The following HEXB variants were observed in gnomAD, a reference collection of about 807,000 sequenced individuals.
HEXB encodes hexosaminidase subunit beta, also known as beta-hexosaminidase subunit beta.
In HEXB, 51 loss-of-function variants were observed where a neutral mutation model predicts 71.2. That is an observed-to-expected ratio of 0.72 (90% CI 0.57 to 0.90). The LOEUF is 0.90. HEXB is among the 40% of genes least tolerant of loss of function. The pLI, the probability that HEXB is intolerant of heterozygous loss-of-function variation, is 0.00. For missense variants in HEXB, 617 were observed against 677.0 expected (o/e 0.91, Z 0.98); for synonymous variants, 266 against 249.3 (o/e 1.07, Z -0.63).
At chr5:74,693,726 T>C (rs1749052264) in intron 3 of HEXB, 22 bp downstream of exon 3, 1 of 1,589,824 alleles carries the variant, frequency 6.3e-7, no homozygotes, top group African/African-American at 1.3e-5. Context: ...GCAGTTTCAT[T>C]GTTACTTTCC....
intron 10 of HEXB, 37 bp downstream of exon 10, chr5:74,718,400 A>C (rs1162185779): frequency 7.0e-7 from 1 of 1,429,134 alleles, no homozygotes; most frequent in Non-Finnish European, 9.9e-7. Context: ...TCAATATAAG[A>C]GACTTAATTA....
intron 1 of HEXB, among the ~76,000 whole-genome samples, chr5:74,645,476 T>G (rs751383820): frequency 2.6e-5 from 4 of 152,224 alleles, no homozygotes; most frequent in Non-Finnish European, 4.4e-5. Context: ...TGTGAAAGTC[T>G]GTCTTTGTCC....
intron 8 of HEXB, among the ~76,000 whole-genome samples, chr5:74,716,174 A>G (rs979867587): frequency 1.3e-5 from 2 of 152,078 alleles, no homozygotes; most frequent in Non-Finnish European, 2.9e-5. Context: ...ATTTGTGGAG[A>G]ATGTACATTT....
chr5:74,674,605 G>GA (rs1199567534), intron 1 of HEXB, among the ~76,000 whole-genome samples: 29,424 of 94,700 alleles, frequency 0.31, 3,596 homozygotes, highest in Middle Eastern at 0.36. Flanking sequence ...CTCTGTCTCA[G>GA]AAAAAAAAAA....
chr5:74,662,072 A>T (rs1748336859), intron 1 of HEXB, among the ~76,000 whole-genome samples: 5 of 152,270 alleles, frequency 3.3e-5, no homozygotes, highest in Admixed American at 3.3e-4. Flanking sequence ...GCTTACTTTT[A>T]GCTGAGCATT....
rs561794591 is a variant in HEXB at position 74,718,408 on chromosome 5, T to C, written c.1242+45T>C. The C allele has an allele frequency of 2.9e-6, 4 of 1,394,092 alleles. No individual in the cohort carries two copies. The South Asian group carries it at 4.6e-5, about 16-fold the overall frequency. 86.4% of individuals were successfully genotyped at this position (1,394,092 alleles called of 1,614,324 possible). A position where few individuals can be genotyped will look rare whatever the true frequency, so the allele number is the denominator to read the frequency against. On this transcript the variant is annotated intron_variant, in intron 10 of 13. Coordinates refer to ENST00000261416, the MANE Select transcript of HEXB (RefSeq NM_000521.4). The stretch of plus-strand genomic sequence containing the variant: ...CATCTGATCAATATAAGAGACTTAA[T>C]TATTTTTCTTGGGGCAACTGGGAAT...
At chr5:74,675,117 G>A (rs1748607688) in intron 1 of HEXB, among the ~76,000 whole-genome samples, 1 of 152,210 alleles carries the variant, frequency 6.6e-6, no homozygotes, top group African/African-American at 2.4e-5. Context: ...AAGACAGCTG[G>A]AAATTTATAA....
At chr5:74,666,084 C>T (rs548470368) in intron 1 of HEXB, among the ~76,000 whole-genome samples, 1 of 152,310 alleles carries the variant, frequency 6.6e-6, no homozygotes, top group Non-Finnish European at 1.5e-5. Context: ...GCCCAATTTT[C>T]CAGATGTTTT....
chr5:74,696,753 TTA>T lies in HEXB; in HGVS notation c.558+18_558+19del, dbSNP rs759929547. ...TCTTATGGAACTGTAAGTATGATTATTATATGTTACTAAAAATTGTTAGACAA... is the reference window on the plus strand; with the variant it reads ...TCTTATGGAACTGTAAGTATGATTATTATGTTACTAAAAATTGTTAGACAA... On this transcript the variant is annotated intron_variant, in intron 4 of 13. Transcript: ENST00000261416. The T allele has an allele frequency of 1.1e-5, 15 of 1,324,308 alleles. No individual in the cohort carries two copies. Among genetic ancestry groups the T allele is most frequent in the South Asian group, 7.1e-5 (6 of 84,108 alleles). 82.0% of individuals were successfully genotyped at this position (1,324,308 alleles called of 1,614,324 possible). A position where few individuals can be genotyped will look rare whatever the true frequency, so the allele number is the denominator to read the frequency against.
chr5:74,696,598 G>T, intron 3 of HEXB, 95 bp from the exon 4 acceptor site: 1 of 709,340 alleles, frequency 1.4e-6, no homozygotes. Flanking sequence ...AATTATATTT[G>T]CCTTACCTGG....
At chr5:74,684,946 G>A (rs1748820068), upstream of HEXB, among the ~76,000 whole-genome samples, 1 of 152,140 alleles carries the variant, frequency 6.6e-6, no homozygotes, top group Admixed American at 6.5e-5. Context: ...CAAAGTGCTG[G>A]GGCTACAGGC....
In HEXB at chr5:74,641,961, G is replaced by C. The variant is rs1310276204; in HGVS notation, c.-377+1403G>C. On this transcript the variant is annotated intron_variant, in intron 1 of 13. Transcript: ENST00000511181. The surrounding 1 kb of genome is among the most constrained non-coding windows in gnomAD (Gnocchi z 4.1). ...TCGAGAGTGAGGGCCCCACGACAGA[G>C]TTTATTCCGTCCCCGGGTCCCCGCG... Among the ~76,000 whole-genome samples the C allele has an allele frequency of 6.6e-6, 1 of 152,154 alleles. No individual in the cohort carries two copies. The highest frequency in any genetic ancestry group is 1.9e-4 in the East Asian group (1 of 5,182).
chr5:74,703,184 C>G (rs1224393226), intron 5 of HEXB, among the ~76,000 whole-genome samples: 1 of 152,216 alleles, frequency 6.6e-6, no homozygotes, highest in Non-Finnish European at 1.5e-5. Context: ...AGCTCCTAGC[C>G]TCAGGTGGTC....
chr5:74,658,438 C>T (rs1298200074), intron 1 of HEXB, among the ~76,000 whole-genome samples: 1 of 152,196 alleles, frequency 6.6e-6, no homozygotes, highest in Non-Finnish European at 1.5e-5. Flanking sequence ...CTGGACCCAC[C>T]AGATCTTAGG....
intron 1 of HEXB, among the ~76,000 whole-genome samples, chr5:74,663,791 T>C (rs1432184312): frequency 1.3e-5 from 2 of 152,090 alleles, no homozygotes; most frequent in Non-Finnish European, 2.9e-5. Context: ...GATAGAGAAA[T>C]AACCTACACT....
chr5:74,670,926 G>A (rs1211587843), intron 1 of HEXB, among the ~76,000 whole-genome samples: 1 of 152,112 alleles, frequency 6.6e-6, no homozygotes, highest in Admixed American at 6.5e-5. Context: ...GTGGCTGCAG[G>A]ATCTGTACCA....
At chr5:74,677,106 C>T (rs573106658) in intron 1 of HEXB, among the ~76,000 whole-genome samples, 3 of 151,964 alleles carry the variant, frequency 2.0e-5, no homozygotes, top group South Asian at 2.1e-4. Flanking sequence ...AGGATGGTCT[C>T]GATATCCTGA....
chr5:74,646,792 C>T (rs997447444), intron 1 of HEXB, among the ~76,000 whole-genome samples: 2 of 151,934 alleles, frequency 1.3e-5, no homozygotes, highest in Non-Finnish European at 2.9e-5. Flanking sequence ...TGGTCTTGAA[C>T]TCCTGACCTC....
intron 6 of HEXB, among the ~76,000 whole-genome samples, chr5:74,710,395 T>G (rs1482142311): frequency 6.6e-6 from 1 of 152,166 alleles, no homozygotes; most frequent in Non-Finnish European, 1.5e-5. Flanking sequence ...GGATGCCCCC[T>G]CTCACCACTC....
Sources: allele counts gnomAD v4.1 joint callset (sites outside exome capture counted in the v4.1 genomes callset), GRCh38; gene constraint gnomAD v4.1.1; non-coding constraint Gnocchi (gnomAD v3.1); transcripts MANE v1.5; gene names NCBI Gene and HGNC (gene_info 2026-07-23, HGNC 2026-07-21).